The following BCAR3 variants were observed in gnomAD, a reference collection of about 807,000 sequenced individuals.
BCAR3 encodes breast cancer anti-estrogen resistance protein 3.
BCAR3 carries 37 observed loss-of-function variants against 80.1 expected under a neutral mutation model. The ratio of observed to expected loss-of-function variants is 0.46; its 90% confidence interval spans 0.36 to 0.61. The LOEUF is 0.61. Among genes scored for constraint, BCAR3 ranks in the 20% least tolerant of loss-of-function variants. The pLI is 0.00. For missense variants in BCAR3, 978 were observed against 1,068.2 expected, an observed-to-expected ratio of 0.92 and a Z score of 1.18; for synonymous variants, 389 against 418.9, an observed-to-expected ratio of 0.93 and a Z score of 0.87.
At chr1:93,766,147 C>T (rs1305299463) in intron 2 of BCAR3, among the ~76,000 whole-genome samples, 1 of 152,158 alleles carries the variant, frequency 6.6e-6, no homozygotes, top group Non-Finnish European at 1.5e-5. Flanking sequence ...GTTTGACCAA[C>T]ATCTTTAAAT....
At position 93,566,156 on chromosome 1, in the gene BCAR3, T is replaced by C. The variant is rs1403213506; in HGVS notation, c.2299+1123A>G. Among the ~76,000 whole-genome samples, 3 of 152,138 alleles carry C rather than the reference T, an allele frequency of 2.0e-5. No homozygotes were observed. The East Asian group carries it at 5.8e-4, about 29-fold the overall frequency. On this transcript the variant is annotated intron_variant, in intron 11 of 11. Transcript: ENST00000260502. ...CCTCCCTCTGTAGCCTAGTTGGCCA[T>C]TCCTTAGGTCATACTTTGCACAAAT...
chr1:93,798,240 T>C (rs1653353023), intron 2 of BCAR3, among the ~76,000 whole-genome samples: 1 of 152,222 alleles, frequency 6.6e-6, no homozygotes, highest in Non-Finnish European at 1.5e-5. Context: ...GGAAAAGCAT[T>C]CTCCCTTAGT....
chr1:93,625,586 T>C (rs111847354), intron 3 of BCAR3, among the ~76,000 whole-genome samples: 1 of 152,306 alleles, frequency 6.6e-6, no homozygotes, highest in African/African-American at 2.4e-5. Context: ...GGGCTTTATA[T>C]AGTAAGTTCT....
intron 2 of BCAR3, among the ~76,000 whole-genome samples, chr1:93,670,870 A>C (rs1648167971): frequency 6.6e-6 from 1 of 152,210 alleles, no homozygotes; most frequent in Non-Finnish European, 1.5e-5. Context: ...AATGGAGGAA[A>C]TGACACATGT....
intron 2 of BCAR3, among the ~76,000 whole-genome samples, chr1:93,664,174 CA>C (rs151041808): frequency 0.032 from 4,901 of 152,292 alleles, 127 homozygotes; most frequent in Middle Eastern, 0.051. Flanking sequence ...GGCTGGAGTG[CA>C]ATGGCAGGAT....
intron 2 of BCAR3, among the ~76,000 whole-genome samples, chr1:93,773,157 G>A (rs76594527): frequency 0.019 from 2,863 of 152,246 alleles, 70 homozygotes; most frequent in African/African-American, 0.063. Context: ...AGGACCCTAC[G>A]TCCCTTTCTC....
rs1234600192 is a variant in BCAR3 at position 93,762,316 on chromosome 1, C to T, written c.-62-56174G>A. 3.9e-5 allele frequency among the ~76,000 whole-genome samples: 6 copies of T among 152,244 alleles called. No individual in the cohort carries two copies. The East Asian group carries it at 1.2e-3, about 29-fold the overall frequency. The stretch of plus-strand genomic sequence containing the variant: ...TGCACATCAACTCATGCTAACAGAC[C>T]CCTGAAGGGTCACTGTCCCCAGCTC... On this transcript the variant is annotated intron_variant, in intron 2 of 13. Coordinates refer to the BCAR3 transcript ENST00000370244.
At chr1:93,708,988 T>A (rs1042340610) in intron 2 of BCAR3, among the ~76,000 whole-genome samples, 2 of 152,090 alleles carry the variant, frequency 1.3e-5, no homozygotes, top group African/African-American at 4.8e-5. Context: ...CTCACAACTT[T>A]CATATCAGGA....
At position 93,727,266 on chromosome 1, in the gene BCAR3, TG is replaced by T. The variant is rs1417830941; in HGVS notation, c.-62-21125del. 2.0e-5 allele frequency among the ~76,000 whole-genome samples: 3 copies of T among 152,342 alleles called. No individual in the cohort carries two copies. In the East Asian group the frequency reaches 5.8e-4, roughly 29 times the overall value. ...CCACATAAGCCCCTTAAGAGGTCCC[TG>T]GATTTAATGTGGCAGCCTTACCTTA... On this transcript the variant is annotated intron_variant, in intron 2 of 13. Coordinates refer to the BCAR3 transcript ENST00000370244.
chr1:93,642,391 C>T, intron 2 of BCAR3, 48 bp from the exon 3 acceptor site: 1 of 1,534,494 alleles, frequency 6.5e-7, no homozygotes. Flanking sequence ...ACGATGCATT[C>T]TTACATTGAG....
chr1:93,747,444 G>C (rs1651399579), intron 2 of BCAR3, among the ~76,000 whole-genome samples: 1 of 151,680 alleles, frequency 6.6e-6, no homozygotes, highest in Non-Finnish European at 1.5e-5. Flanking sequence ...TTCCAATCTT[G>C]AGTAACAGCA....
At chr1:93,616,175 A>T (rs1675119821) in intron 3 of BCAR3, among the ~76,000 whole-genome samples, 1 of 152,216 alleles carries the variant, frequency 6.6e-6, no homozygotes. Flanking sequence ...TTATTCTAAG[A>T]ATATCTCCAA....
rs149834111 is a variant in BCAR3, at chr1:93,760,860, A to G, written c.-62-54718T>C. 3.3e-3 allele frequency among the ~76,000 whole-genome samples: 506 copies of G among 152,268 alleles called. 2 individuals are homozygous for G. Among genetic ancestry groups the G allele is most frequent in the African/African-American group, 0.012 (478 of 41,546 alleles). ...ATCCCTGGACCTATCACTGTGGCCC[A>G]AGGAATAGAGGTCTCTGATTGGCCA... On this transcript the variant is annotated intron_variant, in intron 2 of 13. Transcript: ENST00000370244.
At chr1:93,803,037 C>G (rs546505344) in intron 2 of BCAR3, among the ~76,000 whole-genome samples, 1 of 152,190 alleles carries the variant, frequency 6.6e-6, no homozygotes, top group Non-Finnish European at 1.5e-5. Context: ...CCTGTTGAAG[C>G]AGTGAGGTGC....
chr1:93,704,327 T>C lies in BCAR3; in HGVS notation c.-12+1765A>G, dbSNP rs534417170. Among the ~76,000 whole-genome samples the C allele has an allele frequency of 4.8e-5, 6 of 125,918 alleles. No individual in the cohort carries two copies. The Admixed American group carries it at 5.8e-4, about 12-fold the overall frequency. The allele number at this position is 125,918 out of a possible 152,430, so 82.6% of individuals were successfully genotyped here. A position where few individuals can be genotyped will look rare whatever the true frequency, so the allele number is the denominator to read the frequency against. ...GAAGTCTGGTGTGACTGGAGTGTAA[T>C]GAGGTGGGGGTGGGGAAAGTAGAGA... is the stretch of plus-strand genomic sequence containing the variant. On this transcript the variant is annotated intron_variant, in intron 3 of 13. Coordinates refer to the BCAR3 transcript ENST00000370244.
rs79308048 is a variant in BCAR3 at position 93,569,100 on chromosome 1, C to T, written c.1975-1249G>A. On this transcript the variant is annotated intron_variant, in intron 9 of 11. Coordinates refer to ENST00000260502, the MANE Select transcript of BCAR3 (RefSeq NM_003567.4). ...CTGTCCTAAGATAAATGGTCCCCAA[C>T]TCATACCCTAAAACCGGCAAGGCTA... Among the ~76,000 whole-genome samples the T allele has an allele frequency of 6.5e-3, 984 of 152,370 alleles. 58 individuals carry two copies. In the East Asian group the frequency reaches 0.14, roughly 22 times the overall value.
At chr1:93,652,934 T>C (rs531073235) in intron 2 of BCAR3, among the ~76,000 whole-genome samples, 10 of 152,384 alleles carry the variant, frequency 6.6e-5, no homozygotes, top group Non-Finnish European at 1.3e-4. Context: ...AAATGTTTAG[T>C]TGAGTCGCAG....
intron 1 of BCAR3, among the ~76,000 whole-genome samples, chr1:93,846,255 G>C (rs921906475): frequency 2.0e-5 from 3 of 152,240 alleles, no homozygotes; most frequent in Admixed American, 6.5e-5. Context: ...GCGATGCTGG[G>C]CAGGGGCGGG....
intron 5 of BCAR3, among the ~76,000 whole-genome samples, chr1:93,585,464 TTTC>T (rs1171385457): frequency 6.6e-6 from 1 of 152,208 alleles, no homozygotes; most frequent in Non-Finnish European, 1.5e-5. Flanking sequence ...CTTTTTTTCA[TTTC>T]TTATCTTAAA....
Sources: allele counts gnomAD v4.1 joint callset (sites outside exome capture counted in the v4.1 genomes callset), GRCh38; gene constraint gnomAD v4.1.1; transcripts MANE v1.5; gene names NCBI Gene and HGNC (gene_info 2026-07-23, HGNC 2026-07-21).